CDK14: variants seen among roughly 807,000 people sequenced by gnomAD.
The protein encoded by CDK14 is cyclin-dependent kinase 14.
A neutral mutation model predicts 60.7 loss-of-function variants in CDK14; 34 were observed. The observed-to-expected ratio is 0.56, with a 90% CI of 0.43 to 0.75. The LOEUF is 0.75. CDK14 is among the 30% of genes least tolerant of loss of function. CDK14 has a pLI of 0.00. For missense variants in CDK14, 482 were observed against 564.1 expected (o/e 0.85, Z 1.47); for synonymous variants, 197 against 203.7 (o/e 0.97, Z 0.28).
At chr7:90,960,165 A>C (rs1218742420) in intron 9 of CDK14, among the ~76,000 whole-genome samples, 1 of 152,088 alleles carries the variant, frequency 6.6e-6, no homozygotes. Flanking sequence ...AGGAATATAA[A>C]TTTTTAAAAT....
At chr7:91,165,641 C>T (rs752376424) in intron 14 of CDK14, among the ~76,000 whole-genome samples, 23 of 152,126 alleles carry the variant, frequency 1.5e-4, no homozygotes, top group Non-Finnish European at 2.8e-4. Context: ...AAGTGGACAT[C>T]CCAGCTGCTT....
At chr7:91,026,661 A>G (rs1159095046) in intron 10 of CDK14, among the ~76,000 whole-genome samples, 3 of 152,142 alleles carry the variant, frequency 2.0e-5, no homozygotes, top group Non-Finnish European at 4.4e-5. Flanking sequence ...CTCCCTCACC[A>G]GTCACCATTA....
At chr7:91,148,041 A>C (rs959514523) in intron 14 of CDK14, among the ~76,000 whole-genome samples, 1 of 152,166 alleles carries the variant, frequency 6.6e-6, no homozygotes, top group Admixed American at 6.5e-5. Context: ...TGTTTGAATA[A>C]AATTAAGCTG....
intron 7 of CDK14, among the ~76,000 whole-genome samples, chr7:90,914,110 C>T (rs1028838406): frequency 6.6e-6 from 1 of 152,050 alleles, no homozygotes; most frequent in Non-Finnish European, 1.5e-5. Context: ...TTATGTTATA[C>T]CTGCTTGCTT....
intron 4 of CDK14, among the ~76,000 whole-genome samples, chr7:90,780,038 T>C (rs1331077932): frequency 6.6e-6 from 1 of 152,204 alleles, no homozygotes; most frequent in African/African-American, 2.4e-5. Context: ...TTTTCCTTAT[T>C]GTTTCCTAAT....
At chr7:90,954,370 A>G (rs1794346128) in intron 8 of CDK14, among the ~76,000 whole-genome samples, 2 of 152,162 alleles carry the variant, frequency 1.3e-5, no homozygotes, top group Admixed American at 6.5e-5. Flanking sequence ...TTTAAGTGCT[A>G]TAAACATAAC....
intron 14 of CDK14, among the ~76,000 whole-genome samples, chr7:91,156,865 A>G (rs1048580594): frequency 6.6e-6 from 1 of 152,246 alleles, no homozygotes; most frequent in Non-Finnish European, 1.5e-5. Flanking sequence ...AGAACATGCA[A>G]ATAGCACTTA....
At chr7:90,988,778 G>A (rs952109098) in intron 10 of CDK14, among the ~76,000 whole-genome samples, 4 of 152,096 alleles carry the variant, frequency 2.6e-5, no homozygotes, top group Non-Finnish European at 5.9e-5. Flanking sequence ...TGACAGAGGA[G>A]CTGGAATGAT....
chr7:90,644,628 A>G (rs890880125), intron 2 of CDK14, among the ~76,000 whole-genome samples: 1 of 152,230 alleles, frequency 6.6e-6, no homozygotes, highest in Non-Finnish European at 1.5e-5. Flanking sequence ...TTAATATTCA[A>G]GACTCTGTGA....
chr7:90,862,203 A>G (rs552612385), intron 5 of CDK14, among the ~76,000 whole-genome samples: 47 of 152,356 alleles, frequency 3.1e-4, no homozygotes, highest in African/African-American at 9.4e-4. Flanking sequence ...TAATATTTAC[A>G]TTGAATGTAA....
chr7:90,802,953 CTCTT>C (rs1277565770), intron 5 of CDK14, among the ~76,000 whole-genome samples: 1 of 152,018 alleles, frequency 6.6e-6, no homozygotes, highest in African/African-American at 2.4e-5. Context: ...TGTGTTTGGT[CTCTT>C]TCTTATTGGA....
At chr7:90,990,951 A>G (rs1354744033) in intron 10 of CDK14, among the ~76,000 whole-genome samples, 10 of 152,216 alleles carry the variant, frequency 6.6e-5, no homozygotes, top group Admixed American at 6.5e-4. Flanking sequence ...CAACAAACAT[A>G]GCCCCTACTT....
At chr7:91,169,157 A>G (rs902969350) in intron 14 of CDK14, among the ~76,000 whole-genome samples, 1 of 152,256 alleles carries the variant, frequency 6.6e-6, no homozygotes, top group East Asian at 1.9e-4. Context: ...TTCTTTGAAC[A>G]GAACACAGTA....
At chr7:90,870,348 G>A (rs575864989) in intron 6 of CDK14, among the ~76,000 whole-genome samples, 25 of 152,192 alleles carry the variant, frequency 1.6e-4, no homozygotes, top group Non-Finnish European at 2.6e-4. Context: ...CCAGAGGGTG[G>A]AGGCTGGGAG....
chr7:90,766,374 G>A (rs1342700355), intron 4 of CDK14, among the ~76,000 whole-genome samples: 1 of 152,130 alleles, frequency 6.6e-6, no homozygotes, highest in Non-Finnish European at 1.5e-5. Flanking sequence ...TTAGTGTTTA[G>A]AACATTGTCT....
chr7:91,017,365 G>T (rs146314807), intron 10 of CDK14, among the ~76,000 whole-genome samples: 3 of 152,148 alleles, frequency 2.0e-5, no homozygotes, highest in African/African-American at 7.2e-5. Context: ...TTCTTACAGG[G>T]CTCAGGACTG....
intron 5 of CDK14, among the ~76,000 whole-genome samples, chr7:90,854,742 G>A (rs990215303): frequency 6.6e-6 from 1 of 151,100 alleles, no homozygotes; most frequent in Non-Finnish European, 1.5e-5. Context: ...TAGTTAAAAT[G>A]AAGCAAACTG....
chr7:91,187,123 CTT>C (rs1330739778), intron 14 of CDK14, among the ~76,000 whole-genome samples: 1 of 152,156 alleles, frequency 6.6e-6, no homozygotes, highest in Non-Finnish European at 1.5e-5. Flanking sequence ...GATAATTACT[CTT>C]TGTGCTTGTA....
intron 11 of CDK14, among the ~76,000 whole-genome samples, chr7:91,046,789 T>C (rs1398846463): frequency 6.6e-6 from 1 of 152,148 alleles, no homozygotes; most frequent in African/African-American, 2.4e-5. Context: ...TAATAGTCTA[T>C]TATCCTATGA....
Sources: allele counts gnomAD v4.1 joint callset (sites outside exome capture counted in the v4.1 genomes callset), GRCh38; gene constraint gnomAD v4.1.1; transcripts MANE v1.5; gene names NCBI Gene and HGNC (gene_info 2026-07-23, HGNC 2026-07-21).